The following KIAA0319 variants were observed in gnomAD, a reference collection of about 807,000 sequenced individuals.
KIAA0319 encodes the protein dyslexia-associated protein KIAA0319.
In KIAA0319, 83 loss-of-function variants were observed where a neutral mutation model predicts 108.4. The observed-to-expected ratio is 0.77, with a 90% CI of 0.64 to 0.92. The LOEUF is 0.92. KIAA0319 is among the 40% of genes least tolerant of loss of function. The pLI is 0.00. For missense variants in KIAA0319, 1,195 were observed against 1,322.4 expected (o/e 0.90, Z 1.49); for synonymous variants, 484 against 510.4 (o/e 0.95, Z 0.70).
intron 1 of KIAA0319, among the ~76,000 whole-genome samples, chr6:24,629,543 C>CAGAA (rs1775235183): frequency 7.3e-6 from 1 of 136,854 alleles, no homozygotes; most frequent in African/African-American, 2.7e-5. Context: ...AAAGAAAACT[C>CAGAA]AGAATACATG....
intron 1 of KIAA0319, among the ~76,000 whole-genome samples, chr6:24,634,584 A>G (rs1324307702): frequency 3.3e-5 from 5 of 152,216 alleles, no homozygotes; most frequent in Non-Finnish European, 7.3e-5. Flanking sequence ...TGGCCCCACA[A>G]TTCTGACACC....
chr6:24,559,015 G>C lies in KIAA0319; in HGVS notation c.2732C>G (p.Ala911Gly), dbSNP rs759147860. ...AGAATATTCCATAGGAGACCTACCT[G>C]CTGTATCAACCCTCAAGACCTTGAA... is the stretch of plus-strand genomic sequence containing the variant. ...LLFKVLRVDT[A>G]GCLLKCSGHG... The change falls in exon 17 of 21, where the codon GCA becomes GGA. Residue 911 changes from alanine (A) to glycine (G), a missense_variant and splice_region_variant. Physicochemically the swap from Ala to Gly is moderately conservative, Grantham distance 60. Transcript: ENST00000378214. The C allele has an allele frequency of 6.2e-7, 1 of 1,609,986 alleles. No individual in the cohort carries two copies. The highest frequency in any genetic ancestry group is 1.7e-5 in the Admixed American group (1 of 59,374).
rs59328032 is a variant in KIAA0319, at chr6:24,558,365, CTAGATAGATAGATAGA to C, written c.2734+632_2734+647del. Among the ~76,000 whole-genome samples, 622 of 150,894 alleles carry C rather than the reference CTAGATAGATAGATAGA, an allele frequency of 4.1e-3. 6 individuals carry two copies. Among genetic ancestry groups the C allele is most frequent in the African/African-American group, 0.013 (539 of 41,098 alleles). Reference sequence around the variant, plus strand: ...CAATTGTAGATGGATATATATATATCTAGATAGATAGATAGATAGATAGATAGATAGATAGATAGAT... The same window carrying C: ...CAATTGTAGATGGATATATATATATCTAGATAGATAGATAGATAGATAGAT... On this transcript the variant is annotated intron_variant, in intron 17 of 20. Transcript: ENST00000378214.
intron 1 of KIAA0319, among the ~76,000 whole-genome samples, chr6:24,609,886 G>T (rs1327620544): frequency 6.6e-6 from 1 of 151,876 alleles, no homozygotes; most frequent in Non-Finnish European, 1.5e-5. Context: ...ATACCAACAT[G>T]CAAAAGAATA....
At chr6:24,576,262 C>T in intron 10 of KIAA0319, 106 bp downstream of exon 10, 1 of 882,342 alleles carries the variant, frequency 1.1e-6, no homozygotes, top group Non-Finnish European at 1.8e-6. Context: ...GATAACTTTA[C>T]AAAATAAATT....
At chr6:24,595,053 T>A (rs1237127990) in intron 3 of KIAA0319, among the ~76,000 whole-genome samples, 1 of 152,198 alleles carries the variant, frequency 6.6e-6, no homozygotes, top group Non-Finnish European at 1.5e-5. Flanking sequence ...CCTGAGCTTT[T>A]TCATGGAACG....
At chr6:24,600,862 ATAAACT>A in intron 2 of KIAA0319, among the ~76,000 whole-genome samples, 181 bp downstream of exon 2, 1 of 151,646 alleles carries the variant, frequency 6.6e-6, no homozygotes, top group East Asian at 1.9e-4. Flanking sequence ...CATGATAAAA[ATAAACT>A]TAAATTCCTG....
chr6:24,554,850 G>A (rs1193685993), intron 18 of KIAA0319, among the ~76,000 whole-genome samples: 1 of 152,174 alleles, frequency 6.6e-6, no homozygotes, highest in Non-Finnish European at 1.5e-5. Context: ...GGGTTTCAGG[G>A]CCTCACGGAG....
At chr6:24,598,572 C>A in intron 2 of KIAA0319, 1 of 405,014 alleles carries the variant, frequency 2.5e-6, no homozygotes, top group Non-Finnish European at 4.8e-6. Context: ...AGTACAAGGA[C>A]AAGATCAATA....
At chr6:24,618,774 A>G (rs1773513193) in intron 1 of KIAA0319, among the ~76,000 whole-genome samples, 1 of 152,158 alleles carries the variant, frequency 6.6e-6, no homozygotes, top group African/African-American at 2.4e-5. Flanking sequence ...ATGTTTAAAA[A>G]AAAAAAGTAG....
chr6:24,558,959 C>T, intron 17 of KIAA0319, 54 bp downstream of exon 17: 1 of 1,524,462 alleles, frequency 6.6e-7, no homozygotes. Flanking sequence ...GTTTGTCAAA[C>T]TTATCCATGA....
At chr6:24,615,531 G>A (rs1358262340) in intron 1 of KIAA0319, among the ~76,000 whole-genome samples, 1 of 151,998 alleles carries the variant, frequency 6.6e-6, no homozygotes, top group East Asian at 1.9e-4. Flanking sequence ...GAGACACAAG[G>A]GTGGGAAAGA....
chr6:24,627,307 A>G lies in KIAA0319; in HGVS notation c.-106+18429T>C, dbSNP rs138383048. On this transcript the variant is annotated intron_variant, in intron 1 of 20. Coordinates refer to ENST00000378214, the MANE Select transcript of KIAA0319 (RefSeq NM_014809.4). ...ATGCGCTGGGGATGATGTTACAATT[A>G]GAGATCACTGTCAACAGGTGGTAAT... Among the ~76,000 whole-genome samples the G allele has an allele frequency of 2.0e-5, 3 of 152,318 alleles. No individual in the cohort carries two copies. The East Asian group carries it at 5.8e-4, about 29-fold the overall frequency.
downstream of KIAA0319, among the ~76,000 whole-genome samples, chr6:24,541,224 G>A (rs1264538216): frequency 1.3e-5 from 2 of 152,120 alleles, no homozygotes; most frequent in Admixed American, 6.6e-5. Flanking sequence ...CGGCAGGTTT[G>A]GTTTCTCCTG....
chr6:24,578,147 G>C lies in KIAA0319; in HGVS notation c.1468C>G (p.Arg490Gly), dbSNP rs151153634. ...TTACCAGGATCAAGGTTAGACAAGC[G>C]TAAGACGGGAGAGTCAACTGAAGTC... is the stretch of plus-strand genomic sequence containing the variant. ...EKTSVDSPVL[R>G]LSNLDPGNYS... The change falls in exon 9 of 21, where the codon CGC (arginine) becomes GGC (glycine). Residue 490 changes from arginine (R) to glycine (G), a missense_variant. By Grantham distance (125) the Arg-to-Gly change is moderately radical (BLOSUM62 -2). Coordinates refer to ENST00000378214, the MANE Select transcript of KIAA0319 (RefSeq NM_014809.4). 2 of 1,613,286 alleles carry C rather than the reference G, an allele frequency of 1.2e-6. No individual in the cohort carries two copies. Among genetic ancestry groups the C allele is most frequent in the East Asian group, 2.2e-5 (1 of 44,858 alleles).
chr6:24,606,917 G>A (rs560338256), intron 1 of KIAA0319, among the ~76,000 whole-genome samples: 1 of 152,256 alleles, frequency 6.6e-6, no homozygotes, highest in African/African-American at 2.4e-5. Context: ...CCTTGAGAAA[G>A]CAAGCCAGTG....
At chr6:24,610,812 T>C (rs1294942167) in intron 1 of KIAA0319, among the ~76,000 whole-genome samples, 1 of 152,058 alleles carries the variant, frequency 6.6e-6, no homozygotes, top group Non-Finnish European at 1.5e-5. Context: ...ATGTTCATAA[T>C]AGCCAAAAAG....
rs768432064 is a variant in KIAA0319, at chr6:24,588,741, G to A, written c.846C>T (p.Leu282=). The A allele has an allele frequency of 3.7e-6, 6 of 1,613,850 alleles. No homozygotes were observed. In the South Asian group the frequency reaches 6.6e-5, roughly 18 times the overall value. Residue 282 remains leucine (L), a synonymous_variant, in exon 4 of 21, where the codon CTC becomes CTT. Transcript: ENST00000378214. ...GGCTTTTCTCCACGGTGACTGAGCT[G>A]AGCTCCAGGCTTGCCGGAGGAAGAC... ...SHSLPPASLE[L]SSVTVEKSPV...
chr6:24,580,098 T>G, intron 7 of KIAA0319, 148 bp from the exon 8 acceptor site: 1 of 594,118 alleles, frequency 1.7e-6, no homozygotes, highest in Non-Finnish European at 2.9e-6. Flanking sequence ...GAGAGCACTT[T>G]TTAAAGTCTG....
Sources: gnomAD v4.1 joint callset for allele counts (sites outside exome capture counted in the v4.1 genomes callset) on GRCh38, gnomAD v4.1.1 for gene constraint, MANE v1.5 for transcripts, NCBI Gene and HGNC (gene_info 2026-07-23, HGNC 2026-07-21) for gene names.